The following PPFIA2 variants were observed in gnomAD, a reference collection of about 807,000 sequenced individuals.
PPFIA2 encodes liprin-alpha-2.
PPFIA2 carries 46 observed loss-of-function variants against 175.5 expected under a neutral mutation model. The ratio of observed to expected loss-of-function variants is 0.26; its 90% CI spans 0.21 to 0.34. The LOEUF is 0.34. Among genes scored for constraint, PPFIA2 ranks in the 10% least tolerant of loss-of-function variants. The pLI is 1.00. For synonymous variants in PPFIA2, 568 were observed against 511.4 expected (o/e 1.11, Z -1.49); for missense variants, 1,179 against 1,506.1 (o/e 0.78, Z 3.60).
chr12:81,531,785 C>T (rs1300389008), intron 4 of PPFIA2, among the ~76,000 whole-genome samples: 3 of 151,476 alleles, frequency 2.0e-5, no homozygotes, highest in South Asian at 2.1e-4. Flanking sequence ...AGGTAAGGTA[C>T]CCTTGACTGG....
chr12:81,345,813 G>T (rs10778813), intron 18 of PPFIA2, among the ~76,000 whole-genome samples: 24,494 of 152,012 alleles, frequency 0.16, 2,745 homozygotes, highest in East Asian at 0.42. Context: ...AACAAAATCA[G>T]ATGAATGGTT....
chr12:81,584,616 C>T (rs913319393), intron 4 of PPFIA2, among the ~76,000 whole-genome samples: 30 of 150,638 alleles, frequency 2.0e-4, no homozygotes, highest in South Asian at 6.2e-4. Flanking sequence ...GAGCCTACTA[C>T]GCATCTAGCC....
At chr12:81,593,344 A>G (rs2058889903) in intron 4 of PPFIA2, among the ~76,000 whole-genome samples, 1 of 152,190 alleles carries the variant, frequency 6.6e-6, no homozygotes, top group African/African-American at 2.4e-5. Flanking sequence ...TAATAATCTT[A>G]CTTTGTGTGG....
intron 3 of PPFIA2, among the ~76,000 whole-genome samples, chr12:81,694,563 G>C (rs930530090): frequency 6.6e-6 from 1 of 152,204 alleles, no homozygotes; most frequent in Non-Finnish European, 1.5e-5. Context: ...AGGATGTATT[G>C]AATAGCCTCA....
At chr12:81,603,129 T>A (rs1030674942) in intron 4 of PPFIA2, among the ~76,000 whole-genome samples, 1 of 151,780 alleles carries the variant, frequency 6.6e-6, no homozygotes, top group Non-Finnish European at 1.5e-5. Flanking sequence ...GAGGAAAAAA[T>A]TCAGTGACCA....
intron 4 of PPFIA2, among the ~76,000 whole-genome samples, chr12:81,463,852 A>T (rs1316344621): frequency 6.6e-6 from 1 of 152,188 alleles, no homozygotes; most frequent in Non-Finnish European, 1.5e-5. Flanking sequence ...TATTTAAAAA[A>T]AGAGGAAAAT....
Position 81,341,190 on chromosome 12 carries a change from C to T in PPFIA2, c.2281G>A (p.Asp761Asn), listed in dbSNP as rs754287516. 6.2e-7 allele frequency: 1 copy of T among 1,611,792 alleles called. No individual in the cohort carries two copies. The highest frequency in any genetic ancestry group is 1.7e-5 in the Admixed American group (1 of 59,830). The stretch of plus-strand genomic sequence containing the variant: ...ATTGTTGCTTTGTCCTCTCGACCAT[C>T]TTCTTCCACAACTGCAATCTAGAAG... ...HRRKIAVVEE[D>N]GREDKATIKC... Residue 761 changes from aspartate (D) to asparagine (N), a missense_variant, in exon 20 of 33, where the codon GAT becomes AAT. This residue lies in a region of PPFIA2 where 223 missense variants were observed against 241.6 expected (regional missense o/e 0.92). Transcript: ENST00000549396.
intron 3 of PPFIA2, among the ~76,000 whole-genome samples, chr12:81,751,629 C>T (rs1476411088): frequency 6.6e-6 from 1 of 150,994 alleles, no homozygotes; most frequent in African/African-American, 2.4e-5. Flanking sequence ...GAGAGAGAAC[C>T]AGAAAACTTC....
intron 11 of PPFIA2, among the ~76,000 whole-genome samples, chr12:81,372,513 G>GAAAAAAAAAAAAAAAAAAA (rs3075257): frequency 1.1e-5 from 1 of 93,632 alleles, no homozygotes; most frequent in Non-Finnish European, 2.6e-5. Flanking sequence ...AATTGAAACA[G>GAAAAAAAAAAAAAAAAAAA]AAAAAAAAAA....
chr12:81,344,165 T>C (rs1281540398), intron 19 of PPFIA2, among the ~76,000 whole-genome samples: 5 of 152,086 alleles, frequency 3.3e-5, no homozygotes, highest in East Asian at 1.9e-4. Flanking sequence ...CTGCTCCTTC[T>C]GCCTCCTGAC....
chr12:81,359,946 C>T (rs2141148546), intron 15 of PPFIA2, among the ~76,000 whole-genome samples: 1 of 152,048 alleles, frequency 6.6e-6, no homozygotes. Context: ...GCTTTTCATA[C>T]AGCTGTACTG....
At chr12:81,429,085 G>A (rs1209734953) in intron 7 of PPFIA2, among the ~76,000 whole-genome samples, 2 of 151,988 alleles carry the variant, frequency 1.3e-5, no homozygotes, top group Non-Finnish European at 2.9e-5. Flanking sequence ...TTACTAATAT[G>A]ATTCCTAATG....
chr12:81,662,426 T>C (rs1374726004), intron 4 of PPFIA2, among the ~76,000 whole-genome samples: 2 of 152,172 alleles, frequency 1.3e-5, no homozygotes, highest in East Asian at 1.9e-4. Context: ...TAAACACCTC[T>C]ATGCAAACAA....
At chr12:81,363,198 A>G (rs1293982642) in intron 14 of PPFIA2, among the ~76,000 whole-genome samples, 2 of 151,552 alleles carry the variant, frequency 1.3e-5, no homozygotes. Flanking sequence ...AGATGATTGG[A>G]TTGAAAGAAA....
intron 4 of PPFIA2, among the ~76,000 whole-genome samples, chr12:81,628,376 CTTTTTT>C (rs11304359): frequency 9.0e-6 from 1 of 111,674 alleles, no homozygotes; most frequent in Non-Finnish European, 1.8e-5. Flanking sequence ...TTTCTTTTAC[CTTTTTT>C]TTTTTTTTTT....
intron 4 of PPFIA2, among the ~76,000 whole-genome samples, chr12:81,554,816 T>C (rs891730235): frequency 6.6e-6 from 1 of 152,038 alleles, no homozygotes; most frequent in African/African-American, 2.4e-5. Context: ...ACGTATACAG[T>C]TATTTCAGCA....
chr12:81,625,208 A>C (rs554193739), intron 4 of PPFIA2, among the ~76,000 whole-genome samples: 67 of 151,880 alleles, frequency 4.4e-4, no homozygotes, highest in African/African-American at 1.6e-3. Context: ...AACAGCATGG[A>C]TGTCAGAAAT....
At chr12:81,453,859 G>A (rs183178495) in intron 5 of PPFIA2, among the ~76,000 whole-genome samples, 1 of 152,192 alleles carries the variant, frequency 6.6e-6, no homozygotes, top group Admixed American at 6.5e-5. Flanking sequence ...TTTGACCTCA[G>A]AATAAAAACA....
chr12:81,268,987 A>G (rs1031602427), intron 28 of PPFIA2, among the ~76,000 whole-genome samples: 1 of 152,236 alleles, frequency 6.6e-6, no homozygotes, highest in African/African-American at 2.4e-5. Flanking sequence ...GCAAAATTCA[A>G]GCACTCAGTC....
Sources: allele counts gnomAD v4.1 joint callset (sites outside exome capture counted in the v4.1 genomes callset), GRCh38; gene constraint gnomAD v4.1.1; regional missense constraint gnomAD v4.1.1; transcripts MANE v1.5; gene names NCBI Gene and HGNC (gene_info 2026-07-23, HGNC 2026-07-21).